STPG2: variants seen among roughly 807,000 people sequenced by gnomAD.
STPG2 encodes the protein sperm tail PG-rich repeat containing 2.
STPG2 carries 56 observed loss-of-function variants against 54.2 expected under a neutral mutation model. The ratio of observed to expected loss-of-function variants is 1.03; its 90% CI spans 0.83 to 1.29. The LOEUF (loss-of-function observed/expected upper bound fraction) is 1.29. Ranked by LOEUF, STPG2 falls within the 50% of genes most tolerant of loss-of-function variation. STPG2 has a pLI of 0.00. For synonymous variants in STPG2, 200 were observed against 181.8 expected, an observed-to-expected ratio of 1.10 and a Z score of -0.81; for missense variants, 596 against 544.9, an observed-to-expected ratio of 1.09 and a Z score of -0.93.
chr4:97,999,588 A>G (rs1347868196), intron 5 of STPG2, among the ~76,000 whole-genome samples: 2 of 152,126 alleles, frequency 1.3e-5, no homozygotes, highest in African/African-American at 4.8e-5. Context: ...AATTCCAGTT[A>G]CTCGGGAGGC....
intron 9 of STPG2, among the ~76,000 whole-genome samples, chr4:97,829,360 A>G (rs1028889168): frequency 6.6e-6 from 1 of 152,208 alleles, no homozygotes; most frequent in Non-Finnish European, 1.5e-5. Flanking sequence ...CAGAGACACC[A>G]TCCAAAAGTC....
chr4:97,540,394 C>A (rs138707548), intron 4 of STPG2, among the ~76,000 whole-genome samples: 1,898 of 152,038 alleles, frequency 0.012, 38 homozygotes, highest in African/African-American at 0.044. Flanking sequence ...ATAAATTCCT[C>A]GACACATACA....
chr4:97,545,584 G>A (rs1478270085), intron 4 of STPG2, among the ~76,000 whole-genome samples: 1 of 152,004 alleles, frequency 6.6e-6, no homozygotes, highest in African/African-American at 2.4e-5. Context: ...AAAGCAAAGA[G>A]GTTAATTACC....
chr4:98,012,535 T>C (rs553669832), intron 5 of STPG2, among the ~76,000 whole-genome samples: 1 of 152,328 alleles, frequency 6.6e-6, no homozygotes, highest in East Asian at 1.9e-4. Flanking sequence ...ATAAATTACT[T>C]TGGGCAGTAT....
intron 4 of STPG2, among the ~76,000 whole-genome samples, chr4:97,553,419 T>C (rs569281549): frequency 4.7e-4 from 71 of 152,268 alleles, no homozygotes; most frequent in African/African-American, 1.6e-3. Flanking sequence ...CATTTCTTCC[T>C]GTGAAACTGA....
chr4:97,572,012 T>G (rs1732614079), intron 10 of STPG2, among the ~76,000 whole-genome samples: 1 of 152,188 alleles, frequency 6.6e-6, no homozygotes, highest in African/African-American at 2.4e-5. Context: ...GCAAATTAAG[T>G]GAAATAATCG....
chr4:97,624,097 G>A (rs939737650), intron 10 of STPG2, among the ~76,000 whole-genome samples: 3 of 152,154 alleles, frequency 2.0e-5, no homozygotes, highest in Non-Finnish European at 4.4e-5. Flanking sequence ...TGCAGTGAAC[G>A]TATATGTAGA....
intron 10 of STPG2, among the ~76,000 whole-genome samples, chr4:97,614,229 G>A (rs1188264308): frequency 2.0e-5 from 3 of 151,840 alleles, no homozygotes; most frequent in Non-Finnish European, 2.9e-5. Flanking sequence ...AGGGTCCTGT[G>A]AATTTAACCA....
At chr4:97,457,554 G>A (rs545400981) in intron 4 of STPG2, among the ~76,000 whole-genome samples, 1 of 152,240 alleles carries the variant, frequency 6.6e-6, no homozygotes, top group African/African-American at 2.4e-5. Context: ...CACCCCCTAG[G>A]TGGAGTTCTG....
intron 8 of STPG2, among the ~76,000 whole-genome samples, chr4:97,934,718 C>A (rs953521580): frequency 6.6e-6 from 1 of 152,074 alleles, no homozygotes; most frequent in Non-Finnish European, 1.5e-5. Flanking sequence ...CCGACATGAC[C>A]GTTGTGGATA....
At chr4:98,137,301 T>G (rs1229419530) in intron 1 of STPG2, among the ~76,000 whole-genome samples, 1 of 150,746 alleles carries the variant, frequency 6.6e-6, no homozygotes, top group Non-Finnish European at 1.5e-5. Context: ...TAACAATTCA[T>G]AAAGAAAAGC....
intron 9 of STPG2, among the ~76,000 whole-genome samples, chr4:97,713,810 G>A (rs1724205937): frequency 6.6e-6 from 1 of 152,130 alleles, no homozygotes; most frequent in Non-Finnish European, 1.5e-5. Context: ...TAGCTAGTAT[G>A]ACTTCACAGA....
intron 9 of STPG2, among the ~76,000 whole-genome samples, chr4:97,782,656 A>G (rs1726683837): frequency 6.6e-6 from 1 of 152,238 alleles, no homozygotes; most frequent in Non-Finnish European, 1.5e-5. Context: ...AGCTAGAGGC[A>G]TCATGCTACC....
At chr4:97,787,324 G>A (rs1303444964) in intron 9 of STPG2, among the ~76,000 whole-genome samples, 2 of 151,984 alleles carry the variant, frequency 1.3e-5, no homozygotes, top group African/African-American at 2.4e-5. Flanking sequence ...CTAATTTGCT[G>A]AGAATTTTTA....
chr4:97,532,258 T>A (rs1235857237), intron 4 of STPG2, among the ~76,000 whole-genome samples: 1 of 152,136 alleles, frequency 6.6e-6, no homozygotes, highest in Non-Finnish European at 1.5e-5. Context: ...ATGTTTTATA[T>A]ACTTCAGATT....
chr4:98,023,338 G>A (rs1736294514), intron 5 of STPG2, among the ~76,000 whole-genome samples: 1 of 152,198 alleles, frequency 6.6e-6, no homozygotes, highest in African/African-American at 2.4e-5. Context: ...AGCGATGACT[G>A]TAGAACAGCG....
At chr4:97,459,588 C>T (rs767048667) in intron 4 of STPG2, among the ~76,000 whole-genome samples, 5 of 151,914 alleles carry the variant, frequency 3.3e-5, no homozygotes, top group African/African-American at 4.8e-5. Flanking sequence ...TACAGCTGCC[C>T]ACCACCATGG....
At chr4:97,445,901 A>G (rs2148794048) in intron 4 of STPG2, among the ~76,000 whole-genome samples, 1 of 152,322 alleles carries the variant, frequency 6.6e-6, no homozygotes, top group East Asian at 1.9e-4. Flanking sequence ...TACTGAAAAG[A>G]AAAGGAATCT....
At chr4:97,667,877 A>G (rs991166461) in intron 10 of STPG2, among the ~76,000 whole-genome samples, 21 of 152,312 alleles carry the variant, frequency 1.4e-4, no homozygotes, top group Non-Finnish European at 2.8e-4. Context: ...GCTGAAAGAT[A>G]CAATGGCAAG....
Sources: gnomAD v4.1 joint callset for allele counts (sites outside exome capture counted in the v4.1 genomes callset) on GRCh38, gnomAD v4.1.1 for gene constraint, MANE v1.5 for transcripts, NCBI Gene and HGNC (gene_info 2026-07-23, HGNC 2026-07-21) for gene names.